The following BBOF1 variants were observed in gnomAD, a reference collection of about 807,000 sequenced individuals.
BBOF1 encodes basal body orientation factor 1.
BBOF1 carries 62 observed loss-of-function variants against 68.0 expected under a neutral mutation model. The observed-to-expected ratio is 0.91, with a 90% CI of 0.74 to 1.13. The LOEUF is 1.13. Ranked by LOEUF, BBOF1 falls within the 50% of genes most tolerant of loss-of-function variation. The pLI, the probability that BBOF1 is intolerant of heterozygous loss-of-function variation, is 0.00. For missense variants in BBOF1, 534 were observed against 600.1 expected (o/e 0.89, Z 1.15); for synonymous variants, 208 against 198.8 (o/e 1.05, Z -0.39).
chr14:74,080,366 TTC>T (rs1259772381), intron 10 of BBOF1, among the ~76,000 whole-genome samples: 221 of 109,016 alleles, frequency 2.0e-3, no homozygotes, highest in African/African-American at 8.8e-3. Flanking sequence ...GTTAAACTCT[TTC>T]TTTTTTTTTT....
chr14:74,043,677 G>A (rs1018782646), intron 5 of BBOF1, among the ~76,000 whole-genome samples: 4 of 147,794 alleles, frequency 2.7e-5, no homozygotes, highest in Admixed American at 6.8e-5. Flanking sequence ...TGGTTCTCCT[G>A]CCTCAGCCTC....
chr14:74,061,330 C>T (rs2139730681), intron 11 of BBOF1, among the ~76,000 whole-genome samples: 1 of 148,772 alleles, frequency 6.7e-6, no homozygotes, highest in African/African-American at 2.4e-5. Context: ...GAGACAGAGT[C>T]TTGCTCTGTT....
chr14:74,051,384 G>A (rs1275449965), intron 8 of BBOF1, among the ~76,000 whole-genome samples: 2 of 151,676 alleles, frequency 1.3e-5, no homozygotes, highest in African/African-American at 4.9e-5. Flanking sequence ...CTGCACTCCA[G>A]CCTGGGCAAC....
At chr14:74,067,665 G>T, downstream of BBOF1, 1 of 1,325,126 alleles carries the variant, frequency 7.5e-7, no homozygotes, top group Non-Finnish European at 1.1e-6. Flanking sequence ...GCTAATGCCT[G>T]TAATCCCAGC....
chr14:74,079,330 T>A (rs944520496), intron 10 of BBOF1, among the ~76,000 whole-genome samples: 1 of 151,710 alleles, frequency 6.6e-6, no homozygotes, highest in Non-Finnish European at 1.5e-5. Flanking sequence ...CACTGCAACC[T>A]CCACCTCCCG....
chr14:74,037,632 A>T (rs987240414), intron 4 of BBOF1, among the ~76,000 whole-genome samples: 1 of 150,978 alleles, frequency 6.6e-6, no homozygotes. Flanking sequence ...GTTCTCCATG[A>T]GGTCTTCTCC....
intron 11 of BBOF1, chr14:74,057,907 A>G: frequency 1.0e-6 from 1 of 995,660 alleles, no homozygotes; most frequent in Non-Finnish European, 1.2e-6. Flanking sequence ...GTGTTTTTTT[A>G]GAAGTGATTT....
intron 5 of BBOF1, among the ~76,000 whole-genome samples, chr14:74,044,136 C>T (rs1362459911): frequency 6.6e-6 from 1 of 151,888 alleles, no homozygotes; most frequent in Non-Finnish European, 1.5e-5. Flanking sequence ...GTCCCAGCTA[C>T]TTGGGAGGCT....
chr14:74,033,305 T>C (rs2059618686), intron 3 of BBOF1, among the ~76,000 whole-genome samples: 3 of 152,146 alleles, frequency 2.0e-5, no homozygotes, highest in Admixed American at 1.3e-4. Flanking sequence ...CGGTGGCTCA[T>C]GCCTGTAATC....
chr14:74,060,558 G>A, intron 11 of BBOF1: 2 of 1,025,750 alleles, frequency 1.9e-6, no homozygotes, highest in East Asian at 4.8e-5. Flanking sequence ...CCATCGATCT[G>A]ATCTGAGCAA....
chr14:74,028,015 T>C (rs2059473346), intron 2 of BBOF1, among the ~76,000 whole-genome samples: 1 of 152,200 alleles, frequency 6.6e-6, no homozygotes, highest in East Asian at 1.9e-4. Context: ...AATGTTAGAC[T>C]TCCTGATCTT....
rs2059808170 is a variant in BBOF1, at chr14:74,040,583, AAC to A, written c.518_519del (p.Thr173ArgfsTer9). The part of the protein sequence containing the change: ...ELDDLKENLR[N>X]TERIHQETLR... Reference sequence around the variant, plus strand: ...ATTTTAGCTGAAAGAGAATTTAAGAAACACAGAGCGGATACATCAGGAGACTC... The same window carrying A: ...ATTTTAGCTGAAAGAGAATTTAAGAAACAGAGCGGATACATCAGGAGACTC... On this transcript the variant is annotated frameshift_variant, in exon 5 of 12. Transcript: ENST00000394009. LOFTEE classifies it high-confidence loss of function. The A allele has an allele frequency of 3.8e-6, 6 of 1,581,042 alleles. No homozygotes were observed. The South Asian group carries it at 4.8e-5, about 13-fold the overall frequency.
At chr14:74,021,524 G>A (rs1340718096) in intron 1 of BBOF1, among the ~76,000 whole-genome samples, 2 of 151,892 alleles carry the variant, frequency 1.3e-5, no homozygotes, top group Non-Finnish European at 2.9e-5. Flanking sequence ...GGGAGGTTGA[G>A]GCTGCAGTGA....
chr14:74,068,892 A>G, downstream of BBOF1: 10 of 1,614,036 alleles, frequency 6.2e-6, no homozygotes, highest in Non-Finnish European at 7.6e-6. Context: ...CCATGTCTTG[A>G]TCCTCTCTCG....
At chr14:74,028,603 G>A (rs1208310157) in intron 2 of BBOF1, among the ~76,000 whole-genome samples, 1 of 151,784 alleles carries the variant, frequency 6.6e-6, no homozygotes, top group East Asian at 1.9e-4. Context: ...ATCTTGGCTA[G>A]GCGCTATGGC....
At chr14:74,063,645 C>A (rs1238048612) in intron 11 of BBOF1, among the ~76,000 whole-genome samples, 1 of 151,424 alleles carries the variant, frequency 6.6e-6, no homozygotes, top group Non-Finnish European at 1.5e-5. Context: ...GCAGGCGGAT[C>A]ACCTGAGGTC....
At chr14:74,033,112 G>T (rs2059614384) in intron 3 of BBOF1, among the ~76,000 whole-genome samples, 1 of 151,800 alleles carries the variant, frequency 6.6e-6, no homozygotes, top group Non-Finnish European at 1.5e-5. Flanking sequence ...AACTAGTTTC[G>T]GGTATTAGGG....
chr14:74,062,156 C>T (rs1359055509), intron 11 of BBOF1, among the ~76,000 whole-genome samples: 1 of 151,046 alleles, frequency 6.6e-6, no homozygotes, highest in Non-Finnish European at 1.5e-5. Flanking sequence ...GAGAATGCAC[C>T]ATTGCACTCC....
chr14:74,047,427 AT>A (rs984450495), intron 6 of BBOF1, among the ~76,000 whole-genome samples: 2 of 150,814 alleles, frequency 1.3e-5, no homozygotes, highest in Admixed American at 6.6e-5. Context: ...TTATTTATTT[AT>A]TTATTTATTT....
Sources: allele counts gnomAD v4.1 joint callset (sites outside exome capture counted in the v4.1 genomes callset), GRCh38; gene constraint gnomAD v4.1.1; transcripts MANE v1.5; gene names NCBI Gene and HGNC (gene_info 2026-07-23, HGNC 2026-07-21).